The following ZSCAN12 variants were observed in gnomAD, a reference collection of about 807,000 sequenced individuals.
The protein encoded by ZSCAN12 is zinc finger and SCAN domain-containing protein 12.
Under a neutral mutation model 23.4 loss-of-function variants are expected in ZSCAN12, and 18 were observed. The ratio of observed to expected loss-of-function variants is 0.77; its 90% CI spans 0.53 to 1.14. The LOEUF (loss-of-function observed/expected upper bound fraction) is 1.14. ZSCAN12 is among the 50% of genes most tolerant of loss of function. The probability of loss-of-function intolerance (pLI) is 0.00; values close to 1 mark genes in which losing one functional copy is unlikely to be tolerated. For synonymous variants in ZSCAN12, 186 were observed against 253.4 expected (o/e 0.73, Z 2.53); for missense variants, 650 against 735.0 (o/e 0.88, Z 1.34).
At chr6:28,383,040 A>G (rs1030084594), downstream of ZSCAN12, among the ~76,000 whole-genome samples, 2 of 152,186 alleles carry the variant, frequency 1.3e-5, no homozygotes, top group African/African-American at 4.8e-5. Flanking sequence ...CCATTTAAGT[A>G]GACACTTATA....
In ZSCAN12 at chr6:28,384,838, G is replaced by C. The variant is rs896576856; in HGVS notation, c.*5616C>G. ...ACGCACACAGAACGTTTGAGAGGGAGAGGATCCAAAGAAATTCCAATAAAA... is the reference window on the plus strand; with the variant it reads ...ACGCACACAGAACGTTTGAGAGGGACAGGATCCAAAGAAATTCCAATAAAA... On this transcript the variant is annotated 3_prime_UTR_variant, in exon 4 of 4. Transcript: ENST00000684592. 6.6e-6 allele frequency among the ~76,000 whole-genome samples: 1 copy of C among 152,198 alleles called. No individual in the cohort carries two copies. Among genetic ancestry groups the C allele is most frequent in the African/African-American group, 2.4e-5 (1 of 41,454 alleles).
Position 28,390,388 on chromosome 6 carries a change from A to G in ZSCAN12, c.*66T>C, listed in dbSNP as rs145458218. On this transcript the variant is annotated 3_prime_UTR_variant, in exon 4 of 4. Transcript: ENST00000684592. ...CAATGGTGACTGAAGTTTTGCCCCA[A>G]TAATTGTAAAGCTAAATAGTATTTC... The G allele has an allele frequency of 4.3e-4, 583 of 1,356,100 alleles. No homozygotes were observed. Among genetic ancestry groups the G allele is most frequent in the Admixed American group, 2.6e-3 (90 of 34,898 alleles). The allele number at this position is 1,356,100 out of a possible 1,614,324, so 84.0% of individuals were successfully genotyped here. A position where few individuals can be genotyped will look rare whatever the true frequency, so the allele number is the denominator to read the frequency against.
chr6:28,393,028 C>G lies in ZSCAN12; in HGVS notation c.421G>C (p.Glu141Gln). Residue 141 changes from glutamate (E) to glutamine (Q), a missense_variant, in exon 3 of 4, where the codon GAA becomes CAA. Coordinates refer to ENST00000684592, the MANE Select transcript of ZSCAN12 (RefSeq NM_001163391.2). Reference protein sequence around the residue: ...PGEQVSVHTGEQEMFLQETVR... With the variant: ...PGEQVSVHTGQQEMFLQETVR... ...GTCTCCTGCAAGAACATTTCCTGTT[C>G]CCCAGTGTGGACTGAGACCTGAGGA... 1.3e-6 allele frequency: 2 copies of G among 1,551,722 alleles called. No homozygotes were observed. The highest frequency in any genetic ancestry group is 1.7e-6 in the Non-Finnish European group (2 of 1,146,976).
intron 2 of ZSCAN12, 76 bp from the exon 3 acceptor site, chr6:28,393,122 C>A: frequency 1.4e-6 from 2 of 1,459,536 alleles, no homozygotes; most frequent in East Asian, 2.5e-5. Flanking sequence ...GTGGCAGTGG[C>A]TGAACCCTGA....
intron 2 of ZSCAN12, among the ~76,000 whole-genome samples, chr6:28,394,574 G>A (rs1286366365): frequency 6.6e-6 from 1 of 152,162 alleles, no homozygotes; most frequent in South Asian, 2.1e-4. Flanking sequence ...TCTATTCTGG[G>A]ATCTCTGGTC....
downstream of ZSCAN12, chr6:28,380,473 T>C (rs758686543): frequency 1.3e-5 from 2 of 152,716 alleles, no homozygotes; most frequent in Non-Finnish European, 2.9e-5. Flanking sequence ...ATAAGGTTTC[T>C]TTGCTGAACA....
At chr6:28,396,205 G>T (rs985261961) in intron 2 of ZSCAN12, among the ~76,000 whole-genome samples, 1 of 151,450 alleles carries the variant, frequency 6.6e-6, no homozygotes, top group Admixed American at 6.6e-5. Context: ...AGAGATGGGG[G>T]TCTCACTATG....
Position 28,398,263 on chromosome 6 carries a change from T to C in ZSCAN12, c.143A>G (p.Tyr48Cys). The change falls in exon 2 of 4, where the codon TAC becomes TGC. Residue 48 changes from tyrosine to cysteine, a missense_variant. Physicochemically the swap from Tyr to Cys is radical, Grantham distance 194. Transcript: ENST00000684592. ...CTCCTGGTAGCAGAACTGTCTGAAG[T>C]ACTGACGGAAGACCTCTCTGCTATG... is the stretch of plus-strand genomic sequence containing the variant. ...NTHSREVFRQ[Y>C]FRQFCYQETS... 1.2e-6 allele frequency: 2 copies of C among 1,612,560 alleles called. No individual in the cohort carries two copies. The highest frequency in any genetic ancestry group is 1.1e-5 in the South Asian group (1 of 90,822).
At position 28,390,558 on chromosome 6, in the gene ZSCAN12, G is replaced by C. The variant is rs1416918; in HGVS notation, c.1732C>G (p.Arg578Gly). 0.32 allele frequency: 508,217 copies of C among 1,578,144 alleles called. 84,495 individuals are homozygous for C. The highest frequency in any genetic ancestry group is 0.5 in the African/African-American group (36,592 of 73,556). The change falls in exon 4 of 4, where the codon CGT (arginine) becomes GGT (glycine). Residue 578 changes from arginine to glycine, a missense_variant. By Grantham distance (125) the Arg-to-Gly change is moderately radical. Transcript: ENST00000684592. ...CACTCTTTACATACATAGGTACCAC[G>C]TCTATTATGGATTCTCTGGTGTTTA... Reference protein sequence around the residue: ...LSKHQRIHNRRGTYVCKECGK... With the variant: ...LSKHQRIHNRGGTYVCKECGK...
chr6:28,382,552 T>C, downstream of ZSCAN12: 1 of 1,551,886 alleles, frequency 6.4e-7, no homozygotes, highest in Non-Finnish European at 8.7e-7. Context: ...GAAGATTCAC[T>C]CCAGCTTGGG....
Position 28,391,257 on chromosome 6 carries a change from G to T in ZSCAN12, c.1033C>A (p.Leu345Ile), listed in dbSNP as rs759591934. 3.2e-6 allele frequency: 5 copies of T among 1,551,870 alleles called. No homozygotes were observed. The highest frequency in any genetic ancestry group is 4.4e-6 in the Non-Finnish European group (5 of 1,147,046). Residue 345 changes from leucine to isoleucine, a missense_variant, in exon 4 of 4, where the codon CTT becomes ATT. Coordinates refer to ENST00000684592, the MANE Select transcript of ZSCAN12 (RefSeq NM_001163391.2). The surrounding 1 kb of genome is among the most constrained non-coding windows in gnomAD (Gnocchi z 4.1). ...CGKAFGRWSA[L>I]NQHQRLHTGE... Reference sequence around the variant, plus strand: ...GTGTGAAGTCTCTGATGTTGGTTAAGAGCTGACCACCGGCCAAAGGCTTTG... The same window carrying T: ...GTGTGAAGTCTCTGATGTTGGTTAATAGCTGACCACCGGCCAAAGGCTTTG...
rs1486254289 is a variant in ZSCAN12 at position 28,393,049 on chromosome 6, G to C, written c.403-3C>G. 26 of 1,551,126 alleles carry C rather than the reference G, an allele frequency of 1.7e-5. No homozygotes were observed. Among genetic ancestry groups the C allele is most frequent in the Non-Finnish European group, 2.2e-5 (25 of 1,146,830 alleles). ...TGTTCCCCAGTGTGGACTGAGACCT[G>C]AGGAAAATGAGATGTAGCTGACAGA... On this transcript the variant is annotated splice_polypyrimidine_tract_variant and splice_region_variant and intron_variant, in intron 2 of 3. Transcript: ENST00000684592.
At chr6:28,392,377 C>T (rs1182714999) in intron 3 of ZSCAN12, among the ~76,000 whole-genome samples, 1 of 152,086 alleles carries the variant, frequency 6.6e-6, no homozygotes, top group African/African-American at 2.4e-5. Context: ...GGGGTTTCAC[C>T]ATGTTGGTCA....
In ZSCAN12 at chr6:28,387,327, C is replaced by T. The variant is rs768782065; in HGVS notation, c.*3127G>A. Reference sequence around the variant, plus strand: ...GAACTGGAAAGACCCCAAGTAAAGGCACTCAGAGGAGTAGAAGGCAAGTTT... The same window carrying T: ...GAACTGGAAAGACCCCAAGTAAAGGTACTCAGAGGAGTAGAAGGCAAGTTT... On this transcript the variant is annotated 3_prime_UTR_variant, in exon 4 of 4. Coordinates refer to ENST00000684592, the MANE Select transcript of ZSCAN12 (RefSeq NM_001163391.2). Among the ~76,000 whole-genome samples, 5 of 152,222 alleles carry T rather than the reference C, an allele frequency of 3.3e-5. No homozygotes were observed. The highest frequency in any genetic ancestry group is 2.0e-4 in the Admixed American group (3 of 15,286).
Position 28,387,843 on chromosome 6 carries a change from G to A in ZSCAN12, c.*2611C>T, listed in dbSNP as rs1760628170. Reference sequence around the variant, plus strand: ...TAGGTCACCTCTTCATCCCAACTCTGTCCTCTTCCCTTTGCCCTTAACATA... The same window carrying A: ...TAGGTCACCTCTTCATCCCAACTCTATCCTCTTCCCTTTGCCCTTAACATA... On this transcript the variant is annotated 3_prime_UTR_variant, in exon 4 of 4. Coordinates refer to ENST00000684592, the MANE Select transcript of ZSCAN12 (RefSeq NM_001163391.2). 6.6e-6 allele frequency among the ~76,000 whole-genome samples: 1 copy of A among 152,120 alleles called. No individual in the cohort carries two copies. Among genetic ancestry groups the A allele is most frequent in the Non-Finnish European group, 1.5e-5 (1 of 68,022 alleles).
At position 28,388,454 on chromosome 6, in the gene ZSCAN12, A is replaced by G. The variant is rs527660072; in HGVS notation, c.*2000T>C. 6.6e-6 allele frequency among the ~76,000 whole-genome samples: 1 copy of G among 152,324 alleles called. No individual in the cohort carries two copies. The highest frequency in any genetic ancestry group is 2.4e-5 in the African/African-American group (1 of 41,566). On this transcript the variant is annotated 3_prime_UTR_variant, in exon 4 of 4. Transcript: ENST00000684592. Reference sequence around the variant, plus strand: ...TCATATTTACAACTTAGCTAGAAACATAATATTCCTATAGGACCAGAGACG... The same window carrying G: ...TCATATTTACAACTTAGCTAGAAACGTAATATTCCTATAGGACCAGAGACG...
chr6:28,397,806 G>A (rs1029316777), intron 2 of ZSCAN12, among the ~76,000 whole-genome samples, 198 bp downstream of exon 2: 3 of 152,074 alleles, frequency 2.0e-5, no homozygotes, highest in Non-Finnish European at 4.4e-5. Flanking sequence ...TAGCTTAATA[G>A]AGAAATATAA....
At position 28,389,455 on chromosome 6, in the gene ZSCAN12, C is replaced by T. The variant is rs1049447339; in HGVS notation, c.*999G>A. On this transcript the variant is annotated 3_prime_UTR_variant, in exon 4 of 4. Coordinates refer to ENST00000684592, the MANE Select transcript of ZSCAN12 (RefSeq NM_001163391.2). ...TTTATAGGACTGTGTTCAGGCTTCC[C>T]CACTTCGCAGACAGCCATGAAGTCA... Among the ~76,000 whole-genome samples, 3 of 152,148 alleles carry T rather than the reference C, an allele frequency of 2.0e-5. No homozygotes were observed. Among genetic ancestry groups the T allele is most frequent in the African/African-American group, 2.4e-5 (1 of 41,446 alleles).
chr6:28,388,502 G>A lies in ZSCAN12; in HGVS notation c.*1952C>T, dbSNP rs570817133. On this transcript the variant is annotated 3_prime_UTR_variant, in exon 4 of 4. Coordinates refer to ENST00000684592, the MANE Select transcript of ZSCAN12 (RefSeq NM_001163391.2). ...ACGCTTCTAGTTCCAACCCAGGGAT[G>A]AAATTCTATACAGGGTTTATGGCTA... Among the ~76,000 whole-genome samples the A allele has an allele frequency of 3.3e-5, 5 of 152,292 alleles. No homozygotes were observed. Among genetic ancestry groups the A allele is most frequent in the Non-Finnish European group, 5.9e-5 (4 of 68,018 alleles).
Sources: gnomAD v4.1 joint callset for allele counts (sites outside exome capture counted in the v4.1 genomes callset) on GRCh38, gnomAD v4.1.1 for gene constraint, Gnocchi (gnomAD v3.1) non-coding constraint, MANE v1.5 for transcripts, NCBI Gene and HGNC (gene_info 2026-07-23, HGNC 2026-07-21) for gene names.